Variants in ARGFX observed in about 807,000 individuals in gnomAD.
ARGFX encodes arginine-fifty homeobox.
Under a neutral mutation model 8.0 loss-of-function variants are expected in ARGFX, and 10 were observed. That is an observed-to-expected ratio of 1.25 (90% CI 0.77 to 2.12). The LOEUF (loss-of-function observed/expected upper bound fraction) is 2.12. ARGFX is among the 30% of genes most tolerant of loss of function. The probability of loss-of-function intolerance (pLI) is 0.00; values close to 1 mark genes in which losing one functional copy is unlikely to be tolerated. For missense variants in ARGFX, 282 were observed against 324.3 expected, an observed-to-expected ratio of 0.87 and a Z score of 1.00; for synonymous variants, 116 against 117.8, an observed-to-expected ratio of 0.98 and a Z score of 0.10.
chr3:121,570,846 C>T, intron 2 of ARGFX, 30 bp downstream of exon 2: 2 of 1,461,940 alleles, frequency 1.4e-6, no homozygotes, highest in Non-Finnish European at 1.9e-6. Context: ...GTCCTCTTTC[C>T]TTTTCTACTG....
intron 2 of ARGFX, 150 bp downstream of exon 2, chr3:121,570,966 C>T: frequency 1.8e-6 from 1 of 546,190 alleles, no homozygotes; most frequent in Non-Finnish European, 3.1e-6. Flanking sequence ...AGGAGAAATA[C>T]ATTTCAAATC....
At chr3:121,574,586 G>C (rs1335033481) in intron 2 of ARGFX, among the ~76,000 whole-genome samples, 2 of 152,212 alleles carry the variant, frequency 1.3e-5, no homozygotes, top group Non-Finnish European at 2.9e-5. Flanking sequence ...GCTACCAGCT[G>C]ATCTGACAGG....
chr3:121,572,023 G>T (rs1342556732), intron 2 of ARGFX, among the ~76,000 whole-genome samples: 1 of 151,186 alleles, frequency 6.6e-6, no homozygotes, highest in Non-Finnish European at 1.5e-5. Flanking sequence ...TAGAGAAGGG[G>T]TTTCACCGTG....
chr3:121,577,202 T>TATATATATATATCTACATGTAC, intron 3 of ARGFX, among the ~76,000 whole-genome samples: 1 of 56,030 alleles, frequency 1.8e-5, no homozygotes, highest in Non-Finnish European at 3.7e-5. Flanking sequence ...TGTGTGTATG[T>TATATATATATATCTACATGTAC]ATATATATAT....
chr3:121,570,650 A>G, intron 1 of ARGFX, 52 bp from the exon 2 acceptor site: 1 of 1,237,334 alleles, frequency 8.1e-7, no homozygotes, highest in South Asian at 1.4e-5. Flanking sequence ...ATTGCTATCC[A>G]GCGAATGAAT....
Position 121,569,737 on chromosome 3 carries a change from T to A in ARGFX, c.-12-965T>A, listed in dbSNP as rs538280533. ...TGACATTAAAATCCATTGGTCTACATTGAACTTTGAGTGGATCTTTTACCC... is the reference window on the plus strand; with the variant it reads ...TGACATTAAAATCCATTGGTCTACAATGAACTTTGAGTGGATCTTTTACCC... On this transcript the variant is annotated intron_variant, in intron 1 of 4. Transcript: ENST00000334384. 5.9e-5 allele frequency among the ~76,000 whole-genome samples: 9 copies of A among 152,354 alleles called. No individual in the cohort carries two copies. The South Asian group carries it at 1.9e-3, about 32-fold the overall frequency.
intron 2 of ARGFX, among the ~76,000 whole-genome samples, chr3:121,573,599 T>TA (rs542949734): frequency 1.3e-3 from 192 of 148,724 alleles, no homozygotes; most frequent in African/African-American, 4.1e-3. Context: ...TCAACAACAA[T>TA]AAAAAAAATC....
In ARGFX at chr3:121,585,021, G is replaced by A. The variant is rs1207629011; in HGVS notation, c.325G>A (p.Glu109Lys). Residue 109 changes from glutamate (E) to lysine (K), a missense_variant, in exon 4 of 5, where the codon GAG becomes AAG. Coordinates refer to ENST00000334384, the MANE Select transcript of ARGFX (RefSeq NM_001012659.2). ...QTMFPDRNLQEKLALRLDLPE... is the reference protein window; with the variant it reads ...QTMFPDRNLQKKLALRLDLPE... ...CATGTTCCCAGATAGAAATCTTCAG[G>A]AGAAACTAGCTTTGAGACTCGACCT... 1 of 1,613,916 alleles carries A rather than the reference G, an allele frequency of 6.2e-7. No homozygotes were observed. The highest frequency in any genetic ancestry group is 1.1e-5 in the South Asian group (1 of 90,974).
At chr3:121,574,948 T>C (rs911687038) in intron 2 of ARGFX, among the ~76,000 whole-genome samples, 1 of 152,174 alleles carries the variant, frequency 6.6e-6, no homozygotes, top group African/African-American at 2.4e-5. Context: ...GAAGACCAAA[T>C]GTATGTACAA....
intron 3 of ARGFX, 136 bp from the exon 4 acceptor site, chr3:121,584,781 T>C: frequency 2.0e-6 from 2 of 1,020,866 alleles, no homozygotes; most frequent in South Asian, 3.2e-5. Context: ...CTGCATTTTC[T>C]GGATCCTAAG....
intron 3 of ARGFX, among the ~76,000 whole-genome samples, chr3:121,577,259 A>ATATATTTTTTT (rs1403064031): frequency 8.4e-5 from 5 of 59,620 alleles, no homozygotes; most frequent in African/African-American, 3.1e-4. Context: ...ATATATATAT[A>ATATATTTTTTT]TTTTTTTTTT....
In ARGFX at chr3:121,577,515, C is replaced by T. The variant is rs558401961; in HGVS notation, c.220+615C>T. On this transcript the variant is annotated intron_variant, in intron 3 of 4. Coordinates refer to ENST00000334384, the MANE Select transcript of ARGFX (RefSeq NM_001012659.2). Reference sequence around the variant, plus strand: ...GTGATCCGCCCGCCTGCCTTGGCCTCCCAAAGTGCTGGGATTACAAGCATG... The same window carrying T: ...GTGATCCGCCCGCCTGCCTTGGCCTTCCAAAGTGCTGGGATTACAAGCATG... 5.3e-5 allele frequency among the ~76,000 whole-genome samples: 8 copies of T among 151,706 alleles called. No homozygotes were observed. The South Asian group carries it at 1.7e-3, about 32-fold the overall frequency.
intron 2 of ARGFX, among the ~76,000 whole-genome samples, chr3:121,571,810 C>A (rs2048709982): frequency 6.8e-6 from 1 of 146,772 alleles, no homozygotes; most frequent in Admixed American, 7.2e-5. Flanking sequence ...TCTCAAACTC[C>A]TGACCTTTAG....
rs1180649781 is a variant in ARGFX at position 121,578,190 on chromosome 3, A to C, written c.220+1290A>C. Among the ~76,000 whole-genome samples, 13 of 145,922 alleles carry C rather than the reference A, an allele frequency of 8.9e-5. No individual in the cohort carries two copies. The Admixed American group carries it at 9.2e-4, about 10-fold the overall frequency. ...TGCCCAGGCTGGAGTGCAATGGCGC[A>C]ATCTTGGCTCACTGCAACCTCCTGC... On this transcript the variant is annotated intron_variant, in intron 3 of 4. Transcript: ENST00000334384.
In ARGFX at chr3:121,586,113, A is replaced by G; in HGVS notation, c.461A>G (p.Asn154Ser). The part of the protein sequence containing the change: ...QRNQILPSKK[N>S]VPTSPRTSPS... ...AACCAGATCCTTCCATCCAAGAAGA[A>G]TGTGCCCACCTCCCCCAGAACATCC... The change falls in exon 5 of 5, where the codon AAT becomes AGT. Residue 154 changes from asparagine (N) to serine (S), a missense_variant. Asn to Ser is a conservative substitution (Grantham distance 46, BLOSUM62 1). Transcript: ENST00000334384. 1 of 1,611,502 alleles carries G rather than the reference A, an allele frequency of 6.2e-7. No homozygotes were observed.
intron 1 of ARGFX, among the ~76,000 whole-genome samples, chr3:121,569,869 G>A (rs912212321): frequency 2.6e-5 from 4 of 152,184 alleles, no homozygotes; most frequent in Non-Finnish European, 5.9e-5. Flanking sequence ...TAGAATAAGA[G>A]TGAAAAAGTA....
At chr3:121,579,627 AACAG>A (rs34808174) in intron 3 of ARGFX, among the ~76,000 whole-genome samples, 20,814 of 152,070 alleles carry the variant, frequency 0.14, 2,125 homozygotes, top group Admixed American at 0.32. Context: ...GTGTGAATAT[AACAG>A]ACCTAAATCT....
Position 121,589,390 on chromosome 3 carries a change from G to T in ARGFX, c.*2790G>T, listed in dbSNP as rs920497003. The stretch of plus-strand genomic sequence containing the variant: ...CAATATCTGTCAAATTAAACTTCAA[G>T]GCAAAACTTTTTTATTGAGATGGAG... On this transcript the variant is annotated 3_prime_UTR_variant, in exon 5 of 5. Coordinates refer to ENST00000334384, the MANE Select transcript of ARGFX (RefSeq NM_001012659.2). Among the ~76,000 whole-genome samples the T allele has an allele frequency of 1.3e-5, 2 of 152,042 alleles. No homozygotes were observed. The highest frequency in any genetic ancestry group is 4.8e-5 in the African/African-American group (2 of 41,406).
At chr3:121,580,113 C>A (rs2048769368) in intron 3 of ARGFX, among the ~76,000 whole-genome samples, 1 of 151,504 alleles carries the variant, frequency 6.6e-6, no homozygotes, top group Admixed American at 6.6e-5. Flanking sequence ...CCACTACACC[C>A]TTTTTTGTAG....
Sources: allele counts gnomAD v4.1 joint callset (sites outside exome capture counted in the v4.1 genomes callset), GRCh38; gene constraint gnomAD v4.1.1; transcripts MANE v1.5; gene names NCBI Gene and HGNC (gene_info 2026-07-23, HGNC 2026-07-21).